Variants in AP1S3 observed in about 807,000 individuals in gnomAD.
AP1S3 encodes adaptor related protein complex 1 subunit sigma 3.
Under a neutral mutation model 20.9 loss-of-function variants are expected in AP1S3, and 10 were observed. The ratio of observed to expected loss-of-function variants is 0.48; its 90% confidence interval spans 0.29 to 0.81. The LOEUF is 0.81. Ranked by LOEUF, AP1S3 falls within the 30% of genes least tolerant of loss-of-function variation. The pLI, the probability that AP1S3 is intolerant of heterozygous loss-of-function variation, is 0.08. For synonymous variants in AP1S3, 41 were observed against 61.5 expected, an observed-to-expected ratio of 0.67 and a Z score of 1.56; for missense variants, 154 against 183.8, an observed-to-expected ratio of 0.84 and a Z score of 0.94.
chr2:223,756,762 G>A lies in AP1S3; in HGVS notation c.*1953C>T. The A allele has an allele frequency of 1.0e-6, 1 of 985,304 alleles. No individual in the cohort carries two copies. Among genetic ancestry groups the A allele is most frequent in the Non-Finnish European group, 1.2e-6 (1 of 829,916 alleles). 61.0% of individuals were successfully genotyped at this position (985,304 alleles called of 1,614,324 possible). A position where few individuals can be genotyped will look rare whatever the true frequency, so the allele number is the denominator to read the frequency against. On this transcript the variant is annotated 3_prime_UTR_variant, in exon 5 of 5. Transcript: ENST00000396654. ...TTTGCTGTTTTCCCTAAATATGTCTGCTGAGATGAACTAAAGAGAACATTT... is the reference window on the plus strand; with the variant it reads ...TTTGCTGTTTTCCCTAAATATGTCTACTGAGATGAACTAAAGAGAACATTT...
chr2:223,793,970 T>C (rs1691276213), intron 1 of AP1S3, among the ~76,000 whole-genome samples: 1 of 152,190 alleles, frequency 6.6e-6, no homozygotes, highest in Non-Finnish European at 1.5e-5. Context: ...AAAGGATTGA[T>C]AGTTTTTGCT....
chr2:223,831,423 C>T (rs1048312917), intron 1 of AP1S3, among the ~76,000 whole-genome samples: 9 of 152,160 alleles, frequency 5.9e-5, no homozygotes, highest in African/African-American at 1.7e-4. Context: ...CGTGAGCCAC[C>T]GTGCCCGGTC....
intron 1 of AP1S3, among the ~76,000 whole-genome samples, chr2:223,807,233 C>G (rs1691602761): frequency 6.6e-6 from 1 of 152,160 alleles, no homozygotes. Context: ...TGCTACTGCA[C>G]TCCAGCCTGG....
intron 1 of AP1S3, among the ~76,000 whole-genome samples, chr2:223,792,430 A>C (rs1691233494): frequency 6.6e-6 from 1 of 152,048 alleles, no homozygotes; most frequent in African/African-American, 2.4e-5. Context: ...AAAATAAGCA[A>C]TTTTTTGCTT....
intron 1 of AP1S3, among the ~76,000 whole-genome samples, chr2:223,824,751 G>T (rs1304900399): frequency 6.6e-6 from 1 of 151,944 alleles, no homozygotes; most frequent in East Asian, 2.0e-4. Flanking sequence ...GGCCAGGCTG[G>T]TCTCAACTCC....
At chr2:223,811,170 G>A (rs1691715675) in intron 1 of AP1S3, among the ~76,000 whole-genome samples, 1 of 151,412 alleles carries the variant, frequency 6.6e-6, no homozygotes, top group South Asian at 2.1e-4. Context: ...TTGGCTCACT[G>A]CAACCTCTGC....
At chr2:223,790,951 C>T (rs1162931183) in intron 1 of AP1S3, among the ~76,000 whole-genome samples, 1 of 152,148 alleles carries the variant, frequency 6.6e-6, no homozygotes, top group Non-Finnish European at 1.5e-5. Context: ...CACATACACC[C>T]TCCCAAGACT....
In AP1S3 at chr2:223,756,028, A is replaced by G. The variant is rs1233860502; in HGVS notation, c.*2687T>C. On this transcript the variant is annotated 3_prime_UTR_variant, in exon 5 of 5. Transcript: ENST00000396654. ...ATGGATTTACATGAGGTCCATCTTT[A>G]CAAAATTGTATTGAAAAATAAAGAA... The G allele has an allele frequency of 3.0e-6, 3 of 985,340 alleles. No homozygotes were observed. Among genetic ancestry groups the G allele is most frequent in the Non-Finnish European group, 3.6e-6 (3 of 829,940 alleles). 61.0% of individuals were successfully genotyped at this position (985,340 alleles called of 1,614,324 possible).
intron 1 of AP1S3, among the ~76,000 whole-genome samples, chr2:223,788,929 A>G (rs1322188590): frequency 6.6e-6 from 1 of 152,188 alleles, no homozygotes; most frequent in Non-Finnish European, 1.5e-5. Context: ...TTAATTCAAG[A>G]GACTGAATGA....
intron 3 of AP1S3, among the ~76,000 whole-genome samples, chr2:223,772,111 A>T (rs375066771): frequency 6.6e-6 from 1 of 152,268 alleles, no homozygotes; most frequent in Non-Finnish European, 1.5e-5. Flanking sequence ...CCGTCTCAAA[A>T]AAATAAATAA....
Position 223,758,519 on chromosome 2 carries a change from C to G in AP1S3, c.*196G>C. On this transcript the variant is annotated 3_prime_UTR_variant, in exon 5 of 5. Transcript: ENST00000396654. ...GTACCTATACAGTATAACACAGACA[C>G]ATAATTTTTTTTAATAATACAGACA... 1 of 1,291,694 alleles carries G rather than the reference C, an allele frequency of 7.7e-7. No individual in the cohort carries two copies. The highest frequency in any genetic ancestry group is 9.8e-7 in the Non-Finnish European group (1 of 1,021,434). The allele number at this position is 1,291,694 out of a possible 1,614,324, so 80.0% of individuals were successfully genotyped here. A position where few individuals can be genotyped will look rare whatever the true frequency, so the allele number is the denominator to read the frequency against.
At chr2:223,819,596 T>A (rs1173573597) in intron 1 of AP1S3, among the ~76,000 whole-genome samples, 2 of 112,924 alleles carry the variant, frequency 1.8e-5, no homozygotes, top group African/African-American at 6.7e-5. Flanking sequence ...AGATGCCTTG[T>A]GTAAAAAAAA....
At chr2:223,788,806 G>A (rs840353) in intron 1 of AP1S3, among the ~76,000 whole-genome samples, 91,985 of 149,566 alleles carry the variant, frequency 0.62, 29,638 homozygotes, top group African/African-American at 0.8. Context: ...AGAGATATTT[G>A]CAGATGCCTG....
intron 1 of AP1S3, among the ~76,000 whole-genome samples, chr2:223,794,568 T>C: frequency 6.6e-6 from 1 of 152,170 alleles, no homozygotes; most frequent in Non-Finnish European, 1.5e-5. Context: ...AACAGTTCTC[T>C]GGTAAGAAGT....
intron 2 of AP1S3, 41 bp from the exon 3 acceptor site, chr2:223,776,050 T>C (rs1690775424): frequency 6.7e-7 from 1 of 1,498,218 alleles, no homozygotes; most frequent in Middle Eastern, 1.7e-4. Flanking sequence ...TGACAATACA[T>C]TAAGCAACCT....
chr2:223,810,953 A>G (rs563990645), intron 1 of AP1S3, among the ~76,000 whole-genome samples: 1 of 152,114 alleles, frequency 6.6e-6, no homozygotes, highest in African/African-American at 2.4e-5. Flanking sequence ...TAATTTTCAA[A>G]TTTTTAAAAA....
chr2:223,791,141 C>T (rs1691208114), intron 1 of AP1S3, among the ~76,000 whole-genome samples: 1 of 152,172 alleles, frequency 6.6e-6, no homozygotes, highest in African/African-American at 2.4e-5. Flanking sequence ...TATTCCAAAA[C>T]ATTGAAAAGG....
chr2:223,801,920 A>G (rs950192264), intron 1 of AP1S3, among the ~76,000 whole-genome samples: 1 of 152,260 alleles, frequency 6.6e-6, no homozygotes, highest in Non-Finnish European at 1.5e-5. Context: ...TGTCACTAGT[A>G]TTACATTTAT....
intron 1 of AP1S3, among the ~76,000 whole-genome samples, chr2:223,833,281 CATAA>C (rs1479953663): frequency 2.0e-5 from 3 of 152,036 alleles, no homozygotes; most frequent in Non-Finnish European, 4.4e-5. Context: ...TACATACATA[CATAA>C]ACAACATAAT....
Sources: allele counts gnomAD v4.1 joint callset (sites outside exome capture counted in the v4.1 genomes callset), GRCh38; gene constraint gnomAD v4.1.1; transcripts MANE v1.5; gene names NCBI Gene and HGNC (gene_info 2026-07-23, HGNC 2026-07-21).